The following SPAST variants were observed in gnomAD, a reference collection of about 807,000 sequenced individuals.
The protein encoded by SPAST is spastic paraplegia 4 (autosomal dominant; spastin).
A neutral mutation model predicts 76.6 loss-of-function variants in SPAST; 30 were observed. That is an observed-to-expected ratio of 0.39 (90% CI 0.29 to 0.53). The LOEUF is 0.53. Ranked by LOEUF, SPAST falls within the 20% of genes least tolerant of loss-of-function variation. The probability of loss-of-function intolerance (pLI) is 0.68; values close to 1 mark genes in which losing one functional copy is unlikely to be tolerated. For missense variants in SPAST, 717 were observed against 770.5 expected (o/e 0.93, Z 0.82); for synonymous variants, 305 against 281.0 (o/e 1.09, Z -0.86).
chr2:32,080,446 A>G (rs940236609), intron 1 of SPAST, among the ~76,000 whole-genome samples: 2 of 152,302 alleles, frequency 1.3e-5, no homozygotes, highest in African/African-American at 2.4e-5. Flanking sequence ...TAGTTACACT[A>G]TTGGCTAATA....
At chr2:32,118,893 A>G (rs1041522622) in intron 7 of SPAST, among the ~76,000 whole-genome samples, 4 of 152,248 alleles carry the variant, frequency 2.6e-5, no homozygotes, top group African/African-American at 7.2e-5. Context: ...ACCCAGGCCT[A>G]TAGAGAACAT....
At chr2:32,148,335 A>C (rs1679961851) in intron 16 of SPAST, among the ~76,000 whole-genome samples, 1 of 152,152 alleles carries the variant, frequency 6.6e-6, no homozygotes, top group Non-Finnish European at 1.5e-5. Context: ...ATATATACAT[A>C]AAGTCATTTT....
chr2:32,093,585 G>A (rs1250394935), intron 3 of SPAST, among the ~76,000 whole-genome samples: 1 of 152,028 alleles, frequency 6.6e-6, no homozygotes, highest in African/African-American at 2.4e-5. Flanking sequence ...CTAATAAACT[G>A]TGTAACTTAT....
chr2:32,114,472 G>A (rs932290589), intron 4 of SPAST, among the ~76,000 whole-genome samples, 166 bp from the exon 5 acceptor site: 1 of 152,076 alleles, frequency 6.6e-6, no homozygotes, highest in African/African-American at 2.4e-5. Context: ...TATCTACCTA[G>A]TGACCACCCC....
Position 32,114,759 on chromosome 2 carries a change from T to C in SPAST, c.804T>C (p.Ser268=). The C allele has an allele frequency of 1.9e-6, 3 of 1,614,100 alleles. No individual in the cohort carries two copies. Among genetic ancestry groups the C allele is most frequent in the East Asian group, 2.2e-5 (1 of 44,870 alleles). ...AGLSGHHRAP[S]YSGLSMVSGV... ...TTTCAGGCCACCATAGAGCACCTAG[T>C]TACAGTGGTTTATCCATGGTTTCTG... Residue 268 remains serine (S), a synonymous_variant, in exon 5 of 17, where the codon AGT becomes AGC. Coordinates refer to ENST00000315285, the MANE Select transcript of SPAST (RefSeq NM_014946.4).
chr2:32,154,966 A>G lies in SPAST; in HGVS notation c.*470A>G, dbSNP rs902011585. On this transcript the variant is annotated 3_prime_UTR_variant, in exon 17 of 17. Coordinates refer to ENST00000315285, the MANE Select transcript of SPAST (RefSeq NM_014946.4). ...ACTACAGGTGATTGGAATGCCAAAC[A>G]CTCTTAAGTTTATTTTCTTTTTTCG... 1 of 153,774 alleles carries G rather than the reference A, an allele frequency of 6.5e-6. No homozygotes were observed. Among genetic ancestry groups the G allele is most frequent in the Non-Finnish European group, 1.5e-5 (1 of 68,920 alleles). The allele number at this position is 153,774 out of a possible 1,614,324, so 9.5% of individuals were successfully genotyped here.
At chr2:32,154,043 CT>C (rs1680172960) in intron 16 of SPAST, among the ~76,000 whole-genome samples, 1 of 152,100 alleles carries the variant, frequency 6.6e-6, no homozygotes, top group African/African-American at 2.4e-5. Flanking sequence ...AATTGTGATT[CT>C]TTTTTTCTCT....
chr2:32,125,643 C>T (rs1459637718), intron 7 of SPAST, among the ~76,000 whole-genome samples: 7 of 152,040 alleles, frequency 4.6e-5, no homozygotes, highest in Admixed American at 4.6e-4. Context: ...ACCCTTGATT[C>T]CTGCCATGCC....
chr2:32,098,186 C>T (rs944187614), intron 3 of SPAST, among the ~76,000 whole-genome samples: 3 of 152,012 alleles, frequency 2.0e-5, no homozygotes, highest in African/African-American at 7.2e-5. Context: ...CTCCGTAGTG[C>T]CAGGAACTGT....
intron 1 of SPAST, among the ~76,000 whole-genome samples, chr2:32,076,882 G>T (rs1372454671): frequency 6.7e-6 from 1 of 149,334 alleles, no homozygotes; most frequent in African/African-American, 2.5e-5. Flanking sequence ...TTTGTTTTTT[G>T]TTTTTTTTTC....
intron 1 of SPAST, among the ~76,000 whole-genome samples, chr2:32,071,232 A>G (rs1326907190): frequency 2.0e-5 from 3 of 152,208 alleles, no homozygotes; most frequent in African/African-American, 2.4e-5. Context: ...AGTATGTTAT[A>G]TGAATGAGAG....
Position 32,075,859 on chromosome 2 carries a change from C to CTTT in SPAST, c.416-11619_416-11617dup, listed in dbSNP as rs56708982. Reference sequence around the variant, plus strand: ...GTGAGCCCTGCTCCCAGACTCCTGGCTTTTTTTTTTTTTTTTAATGAAAAA... The same window carrying CTTT: ...GTGAGCCCTGCTCCCAGACTCCTGGCTTTTTTTTTTTTTTTTTTTAATGAAAAA... On this transcript the variant is annotated intron_variant, in intron 1 of 16. Transcript: ENST00000315285. Among the ~76,000 whole-genome samples the CTTT allele has an allele frequency of 9.5e-4, 78 of 82,368 alleles. 1 individual carries two copies. The highest frequency in any genetic ancestry group is 1.2e-3 in the Non-Finnish European group (56 of 45,104). The allele number at this position is 82,368 out of a possible 152,430, so 54.0% of individuals were successfully genotyped here.
chr2:32,114,888 A>C (rs939165595), intron 5 of SPAST, 63 bp downstream of exon 5: 5 of 1,174,472 alleles, frequency 4.3e-6, no homozygotes, highest in Non-Finnish European at 6.4e-6. Context: ...TTAAGATACT[A>C]TTCCTGCTTA....
At chr2:32,141,869 T>G (rs1291917617) in intron 12 of SPAST, 35 bp from the exon 13 acceptor site, 1 of 1,574,988 alleles carries the variant, frequency 6.3e-7, no homozygotes, top group Non-Finnish European at 8.7e-7. Flanking sequence ...AAATTCAAAA[T>G]TATATTTCTA....
chr2:32,085,041 A>C (rs1204650797), intron 1 of SPAST, among the ~76,000 whole-genome samples: 2 of 152,072 alleles, frequency 1.3e-5, no homozygotes, highest in African/African-American at 4.8e-5. Context: ...GCCACTCAGA[A>C]TACAAGTGCT....
At position 32,147,345 on chromosome 2, in the gene SPAST, G is replaced by GTTTTTTTTTTTT. The variant is rs71407417; in HGVS notation, c.1728+101_1728+112dup. The GTTTTTTTTTTTT allele has an allele frequency of 1.1e-4, 18 of 162,902 alleles. 1 individual carries two copies. The highest frequency in any genetic ancestry group is 5.7e-4 in the African/African-American group (10 of 17,428). 10.1% of individuals were successfully genotyped at this position (162,902 alleles called of 1,614,324 possible). ...ACATATATGAATGTGTGTGTGTGTG[G>GTTTTTTTTTTTT]TTTTTTTTTTTTTTTTTTTTTTTTT... On this transcript the variant is annotated intron_variant, in intron 16 of 16. Transcript: ENST00000315285.
In SPAST at chr2:32,155,192, A is replaced by T. The variant is rs979680686; in HGVS notation, c.*696A>T. The stretch of plus-strand genomic sequence containing the variant: ...AGCAAAAAAGCAAATATGGTAAAAT[A>T]GAGAAGGTTTGAAGGTTTGAGTTAC... On this transcript the variant is annotated 3_prime_UTR_variant, in exon 17 of 17. Transcript: ENST00000315285. 5 of 152,788 alleles carry T rather than the reference A, an allele frequency of 3.3e-5. No individual in the cohort carries two copies. Among genetic ancestry groups the T allele is most frequent in the Admixed American group, 1.3e-4 (2 of 15,296 alleles). The allele number at this position is 152,788 out of a possible 1,614,324, so 9.5% of individuals were successfully genotyped here.
intron 16 of SPAST, among the ~76,000 whole-genome samples, chr2:32,150,299 C>T (rs1467790848): frequency 1.4e-5 from 2 of 144,478 alleles, no homozygotes; most frequent in Non-Finnish European, 3.0e-5. Flanking sequence ...ACCATGTTGG[C>T]CAGGATGGTC....
At chr2:32,114,946 C>A in intron 5 of SPAST, 121 bp downstream of exon 5, 3 of 706,710 alleles carry the variant, frequency 4.2e-6, no homozygotes, top group Non-Finnish European at 4.6e-6. Flanking sequence ...GATAAGTTTC[C>A]ATAAAGTTAA....
Sources: gnomAD v4.1 joint callset for allele counts (sites outside exome capture counted in the v4.1 genomes callset) on GRCh38, gnomAD v4.1.1 for gene constraint, MANE v1.5 for transcripts, NCBI Gene and HGNC (gene_info 2026-07-23, HGNC 2026-07-21) for gene names.